The following ADAM18 variants were observed in gnomAD, a reference collection of about 807,000 sequenced individuals.
The protein encoded by ADAM18 is ADAM metallopeptidase domain 18.
In ADAM18, 117 loss-of-function variants were observed where a neutral mutation model predicts 94.4. The ratio of observed to expected loss-of-function variants is 1.24; its 90% CI spans 1.07 to 1.45. The LOEUF (loss-of-function observed/expected upper bound fraction) is 1.45, where lower values mean the gene tolerates loss of function less well. Ranked by LOEUF, ADAM18 falls within the 40% of genes most tolerant of loss-of-function variation. The pLI, the probability that ADAM18 is intolerant of heterozygous loss-of-function variation, is 0.00. For missense variants in ADAM18, 936 were observed against 880.0 expected (o/e 1.06, Z -0.81); for synonymous variants, 327 against 291.6 (o/e 1.12, Z -1.24).
chr8:39,709,734 T>C (rs541272207), intron 18 of ADAM18, among the ~76,000 whole-genome samples: 1 of 152,330 alleles, frequency 6.6e-6, no homozygotes, highest in African/African-American at 2.4e-5. Context: ...TGAGTCTTAA[T>C]GAATGAAAAT....
At chr8:39,618,234 C>A (rs147663398) in intron 6 of ADAM18, among the ~76,000 whole-genome samples, 203 of 152,260 alleles carry the variant, frequency 1.3e-3, no homozygotes, top group African/African-American at 4.7e-3. Flanking sequence ...CACACACAAG[C>A]TAGTGAAAAC....
At chr8:39,609,448 C>A (rs370720078) in intron 4 of ADAM18, 37 bp from the exon 5 acceptor site, 8 of 1,458,944 alleles carry the variant, frequency 5.5e-6, no homozygotes, top group South Asian at 1.2e-5. Context: ...TTATTCACAA[C>A]GAATTTATAT....
chr8:39,685,318 T>C (rs7459747), intron 16 of ADAM18: 149,942 of 152,432 alleles, frequency 0.98, 73,910 homozygotes, highest in Middle Eastern at 1. Context: ...TCTCCTTGGG[T>C]CTCATCCCAC....
intron 18 of ADAM18, 136 bp from the exon 19 acceptor site, chr8:39,723,612 A>G: frequency 1.9e-6 from 1 of 528,268 alleles, no homozygotes; most frequent in Non-Finnish European, 3.0e-6. Context: ...GTTTGCATTT[A>G]TGTTCTATTT....
chr8:39,614,174 A>T (rs1819364790), intron 6 of ADAM18, among the ~76,000 whole-genome samples: 2 of 152,216 alleles, frequency 1.3e-5, no homozygotes, highest in Non-Finnish European at 2.9e-5. Flanking sequence ...ACACATAGTC[A>T]TCAGATTCTC....
At chr8:39,586,868 C>A (rs1818419776) in intron 2 of ADAM18, among the ~76,000 whole-genome samples, 1 of 152,014 alleles carries the variant, frequency 6.6e-6, no homozygotes, top group East Asian at 1.9e-4. Flanking sequence ...ATTGTCATTG[C>A]ATAATCACTG....
intron 18 of ADAM18, among the ~76,000 whole-genome samples, chr8:39,707,362 T>C (rs1234742165): frequency 6.6e-6 from 1 of 152,226 alleles, no homozygotes; most frequent in African/African-American, 2.4e-5. Context: ...CTCACTCATT[T>C]CAGGGAATTC....
intron 2 of ADAM18, among the ~76,000 whole-genome samples, chr8:39,588,291 T>C (rs2129457956): frequency 6.6e-6 from 1 of 152,216 alleles, no homozygotes; most frequent in South Asian, 2.1e-4. Context: ...TCACTGTGGT[T>C]TTGATCCTGC....
intron 6 of ADAM18, chr8:39,610,963 T>C (rs1819256583): frequency 8.2e-7 from 1 of 1,214,702 alleles, no homozygotes; most frequent in Non-Finnish European, 1.0e-6. Flanking sequence ...TGAAAAAGTT[T>C]AGAAATGCAG....
intron 17 of ADAM18, among the ~76,000 whole-genome samples, chr8:39,693,805 T>G (rs1389365017): frequency 6.6e-6 from 1 of 151,198 alleles, no homozygotes; most frequent in Non-Finnish European, 1.5e-5. Flanking sequence ...GTTAAAATGT[T>G]TAAAAAGAAA....
chr8:39,700,973 C>T (rs1026909100), intron 17 of ADAM18, among the ~76,000 whole-genome samples: 1 of 150,330 alleles, frequency 6.7e-6, no homozygotes, highest in Non-Finnish European at 1.5e-5. Context: ...AAAAAATTAG[C>T]CGGGCGTAGT....
At chr8:39,692,776 A>G in intron 17 of ADAM18, 96 bp downstream of exon 17, 1 of 889,032 alleles carries the variant, frequency 1.1e-6, no homozygotes, top group East Asian at 2.7e-5. Context: ...TGACTTGCCT[A>G]GCTCTGGTAG....
At position 39,637,662 on chromosome 8, in the gene ADAM18, C is replaced by T. The variant is rs1366844388; in HGVS notation, c.786C>T (p.Asp262=). The T allele has an allele frequency of 6.2e-7, 1 of 1,611,978 alleles. No homozygotes were observed. The highest frequency in any genetic ancestry group is 8.5e-7 in the Non-Finnish European group (1 of 1,178,920). ...ILQRFLAWKR[D]YLILRPHDIA... Reference sequence around the variant, plus strand: ...AAAGATTTTTGGCATGGAAACGGGACTATCTCATCCTACGGCCCCATGACA... The same window carrying T: ...AAAGATTTTTGGCATGGAAACGGGATTATCTCATCCTACGGCCCCATGACA... The change falls in exon 9 of 20, where the codon GAC becomes GAT. Residue 262 remains aspartate (D), a synonymous_variant. Coordinates refer to ENST00000265707, the MANE Select transcript of ADAM18 (RefSeq NM_014237.3).
At position 39,706,883 on chromosome 8, in the gene ADAM18, G is replaced by A. The variant is rs1224573496; in HGVS notation, c.1996G>A (p.Asp666Asn). ...TGGTTCCCCAGGGGGTAGTATTGAT[G>A]ATGGAAATTTTCAGAAATCTGGTAA... Reference protein sequence around the residue: ...QFGSPGGSIDDGNFQKSGDFY... With the variant: ...QFGSPGGSIDNGNFQKSGDFY... Residue 666 changes from aspartate to asparagine, a missense_variant, in exon 18 of 20, where the codon GAT (aspartate) becomes AAT (asparagine). Physicochemically the swap from Asp to Asn is conservative, Grantham distance 23. Transcript: ENST00000265707. The A allele has an allele frequency of 1.9e-6, 3 of 1,598,152 alleles. No individual in the cohort carries two copies. The highest frequency in any genetic ancestry group is 1.7e-6 in the Non-Finnish European group (2 of 1,168,998).
At position 39,706,822 on chromosome 8, in the gene ADAM18, C is replaced by A; in HGVS notation, c.1935C>A (p.Phe645Leu). ...ATAATTTTGGTAATTGTCAATGCTTCCCTGGACATAGACCTCCAGATTGTA... is the reference window on the plus strand; with the variant it reads ...ATAATTTTGGTAATTGTCAATGCTTACCTGGACATAGACCTCCAGATTGTA... The part of the protein sequence containing the change: ...ICNNFGNCQC[F>L]PGHRPPDCKF... Residue 645 changes from phenylalanine to leucine, a missense_variant, in exon 18 of 20, where the codon TTC becomes TTA. By Grantham distance (22) the Phe-to-Leu change is conservative. Coordinates refer to ENST00000265707, the MANE Select transcript of ADAM18 (RefSeq NM_014237.3). The A allele has an allele frequency of 6.2e-7, 1 of 1,609,138 alleles. No homozygotes were observed. Among genetic ancestry groups the A allele is most frequent in the Non-Finnish European group, 8.5e-7 (1 of 1,176,416 alleles).
At chr8:39,661,319 A>AT (rs71518171) in intron 12 of ADAM18, among the ~76,000 whole-genome samples, 11,473 of 111,138 alleles carry the variant, frequency 0.1, 1,046 homozygotes, top group East Asian at 0.32. Context: ...CACCCGGCAA[A>AT]TTTTTTTTTT....
At chr8:39,590,810 A>G (rs550427914) in intron 2 of ADAM18, among the ~76,000 whole-genome samples, 40 of 152,298 alleles carry the variant, frequency 2.6e-4, no homozygotes, top group Admixed American at 7.2e-4. Flanking sequence ...CAGAAATAGA[A>G]CATAAGAGCA....
At chr8:39,728,189 C>T (rs1299413721) in intron 19 of ADAM18, among the ~76,000 whole-genome samples, 1 of 152,170 alleles carries the variant, frequency 6.6e-6, no homozygotes, top group African/African-American at 2.4e-5. Flanking sequence ...CACCTCCCAC[C>T]AGGCACCACC....
At chr8:39,636,217 T>G (rs1032567541) in intron 7 of ADAM18, among the ~76,000 whole-genome samples, 1 of 152,074 alleles carries the variant, frequency 6.6e-6, no homozygotes, top group African/African-American at 2.4e-5. Flanking sequence ...AGATGAAGTC[T>G]CACCATGTTG....
Sources: gnomAD v4.1 joint callset for allele counts (sites outside exome capture counted in the v4.1 genomes callset) on GRCh38, gnomAD v4.1.1 for gene constraint, MANE v1.5 for transcripts, NCBI Gene and HGNC (gene_info 2026-07-23, HGNC 2026-07-21) for gene names.